Variants in PCSK5 observed in about 807,000 individuals in gnomAD.
PCSK5 encodes the protein proprotein convertase subtilisin/kexin type 5.
In PCSK5, 129 loss-of-function variants were observed where a neutral mutation model predicts 233.2. The observed-to-expected ratio is 0.55, with a 90% CI of 0.48 to 0.64. PCSK5 has a LOEUF of 0.64. PCSK5 is among the 30% of genes least tolerant of loss of function. The probability of loss-of-function intolerance (pLI) is 0.00; values close to 1 mark genes in which losing one functional copy is unlikely to be tolerated. For missense variants in PCSK5, 2,076 were observed against 2,430.1 expected (o/e 0.85, Z 3.06); for synonymous variants, 825 against 879.2 (o/e 0.94, Z 1.09).
rs74366873 is a variant in PCSK5 at position 76,326,320 on chromosome 9, A to G, written c.4340-1689A>G. 8.6e-3 allele frequency among the ~76,000 whole-genome samples: 1,316 copies of G among 152,196 alleles called. 15 individuals carry two copies. The highest frequency in any genetic ancestry group is 0.03 in the African/African-American group (1,250 of 41,534). On this transcript the variant is annotated intron_variant, in intron 32 of 37. Transcript: ENST00000674117. ...GGGATCACTTTAGCCTGGGAGGTCA[A>G]TGTTTCAGTGAGCCATGATCACACC... is the stretch of plus-strand genomic sequence containing the variant.
At chr9:76,327,921 T>C in intron 32 of PCSK5, 88 bp from the exon 33 acceptor site, 1 of 811,574 alleles carries the variant, frequency 1.2e-6, no homozygotes. Context: ...GTGAAAGGAA[T>C]GTGAAGACCC....
Position 75,891,076 on chromosome 9 carries a change from G to GGCCCGGGGCTGCGAGCTGCGGCA in PCSK5, c.-94_-93insGAGCTGCGGCAGCCCGGGGCTGC. Reference sequence around the variant, plus strand: ...ATCGCCCGGGGCTGCGAGCTGCGGCGGCCCGGGGCTGCTCGCCGGGCGGCG... The same window carrying GGCCCGGGGCTGCGAGCTGCGGCA: ...ATCGCCCGGGGCTGCGAGCTGCGGCGGCCCGGGGCTGCGAGCTGCGGCAGCCCGGGGCTGCTCGCCGGGCGGCG... On this transcript the variant is annotated 5_prime_UTR_variant, in exon 1 of 38. Coordinates refer to ENST00000674117, the MANE Select transcript of PCSK5 (RefSeq NM_001372043.1). The GGCCCGGGGCTGCGAGCTGCGGCA allele has an allele frequency of 2.8e-6, 3 of 1,069,494 alleles. No homozygotes were observed. The highest frequency in any genetic ancestry group is 3.7e-6 in the Non-Finnish European group (3 of 811,700). 66.3% of individuals were successfully genotyped at this position (1,069,494 alleles called of 1,614,324 possible).
chr9:76,253,699 C>A (rs554015023), intron 24 of PCSK5, among the ~76,000 whole-genome samples: 5 of 152,188 alleles, frequency 3.3e-5, no homozygotes, highest in African/African-American at 4.8e-5. Flanking sequence ...GCTTAATGTA[C>A]GTGATGTGTT....
At chr9:75,993,485 C>T (rs538814051) in intron 3 of PCSK5, among the ~76,000 whole-genome samples, 2 of 152,140 alleles carry the variant, frequency 1.3e-5, no homozygotes, top group Non-Finnish European at 2.9e-5. Context: ...AGATCACATA[C>T]CATCAATGGG....
At chr9:76,349,691 C>T (rs1017072949) in intron 35 of PCSK5, among the ~76,000 whole-genome samples, 4 of 152,172 alleles carry the variant, frequency 2.6e-5, no homozygotes, top group African/African-American at 9.7e-5. Flanking sequence ...ATACCAAGTT[C>T]CAACTTACAA....
chr9:76,035,434 C>T (rs1406305868), intron 5 of PCSK5, among the ~76,000 whole-genome samples: 1 of 152,114 alleles, frequency 6.6e-6, no homozygotes, highest in Non-Finnish European at 1.5e-5. Flanking sequence ...GCCTTCAGAA[C>T]TCCTTGTTTT....
chr9:75,903,281 T>C (rs1587336254), intron 1 of PCSK5, among the ~76,000 whole-genome samples: 1 of 152,258 alleles, frequency 6.6e-6, no homozygotes, highest in Non-Finnish European at 1.5e-5. Context: ...TAGATTGCTC[T>C]ATATAATAGA....
rs1156496165 is a variant in PCSK5 at position 76,095,274 on chromosome 9, C to CT, written c.895-615dup. Among the ~76,000 whole-genome samples the CT allele has an allele frequency of 4.5e-4, 69 of 152,350 alleles. 1 individual carries two copies. In the South Asian group the frequency reaches 0.014, roughly 30 times the overall value. On this transcript the variant is annotated intron_variant, in intron 7 of 37. Coordinates refer to ENST00000674117, the MANE Select transcript of PCSK5 (RefSeq NM_001372043.1). The stretch of plus-strand genomic sequence containing the variant: ...ACACAGTTAGTACTTGCTTCTGATG[C>CT]TCACCAACAGTGTAATTCAGCATAG...
chr9:75,956,898 T>C (rs1375942263), intron 2 of PCSK5, among the ~76,000 whole-genome samples: 5 of 152,116 alleles, frequency 3.3e-5, no homozygotes, highest in Non-Finnish European at 7.4e-5. Context: ...AAGTCACAAA[T>C]TGTGAAAGAC....
chr9:76,060,756 A>G (rs1829999108), intron 5 of PCSK5, among the ~76,000 whole-genome samples: 1 of 152,194 alleles, frequency 6.6e-6, no homozygotes, highest in South Asian at 2.1e-4. Context: ...TAGACTTTGT[A>G]TTGTTAGCTA....
chr9:76,194,053 T>C (rs1389575251), intron 20 of PCSK5: 4 of 152,394 alleles, frequency 2.6e-5, no homozygotes, highest in South Asian at 4.1e-4. Flanking sequence ...TTTTCCATTG[T>C]AGATTGGGTT....
chr9:76,131,620 C>T (rs1822763842), intron 9 of PCSK5, among the ~76,000 whole-genome samples: 1 of 152,074 alleles, frequency 6.6e-6, no homozygotes, highest in Non-Finnish European at 1.5e-5. Context: ...AGGAGGCTTC[C>T]TGAATCTGCC....
chr9:76,281,268 T>G (rs1206907438), intron 24 of PCSK5, among the ~76,000 whole-genome samples: 2 of 152,248 alleles, frequency 1.3e-5, no homozygotes, highest in Non-Finnish European at 2.9e-5. Context: ...AGTCAACGCC[T>G]GGCTTCAAAG....
At chr9:76,314,761 C>T (rs1419443555) in intron 30 of PCSK5, among the ~76,000 whole-genome samples, 2 of 152,076 alleles carry the variant, frequency 1.3e-5, no homozygotes, top group South Asian at 2.1e-4. Context: ...CTCAGCCTCC[C>T]GAGTAGCTGG....
intron 17 of PCSK5, among the ~76,000 whole-genome samples, chr9:76,185,495 A>G (rs1353703380): frequency 2.6e-5 from 4 of 152,192 alleles, no homozygotes; most frequent in African/African-American, 9.7e-5. Context: ...GAGGTAAACT[A>G]GGCAGGGTCC....
chr9:76,047,100 CTTT>C (rs61399433), intron 5 of PCSK5, among the ~76,000 whole-genome samples: 2 of 143,324 alleles, frequency 1.4e-5, no homozygotes, highest in Non-Finnish European at 1.5e-5. Context: ...TCAAGGAAAT[CTTT>C]TTTTTTTTTT....
chr9:76,274,936 A>G (rs7037592), intron 24 of PCSK5, among the ~76,000 whole-genome samples: 5,615 of 152,044 alleles, frequency 0.037, 339 homozygotes, highest in African/African-American at 0.13. Flanking sequence ...GAGGGGAGGC[A>G]CCAGGCTCTT....
intron 30 of PCSK5, among the ~76,000 whole-genome samples, chr9:76,313,914 C>T (rs998149466): frequency 2.0e-5 from 3 of 152,022 alleles, no homozygotes; most frequent in Non-Finnish European, 2.9e-5. Context: ...CCCTATCAAC[C>T]GAGCTCCACC....
chr9:76,170,803 G>C (rs962437638), intron 13 of PCSK5, among the ~76,000 whole-genome samples: 1 of 152,206 alleles, frequency 6.6e-6, no homozygotes, highest in Non-Finnish European at 1.5e-5. Context: ...CAGGGCAAAG[G>C]AGGCACACAG....
Sources: gnomAD v4.1 joint callset for allele counts (sites outside exome capture counted in the v4.1 genomes callset) on GRCh38, gnomAD v4.1.1 for gene constraint, MANE v1.5 for transcripts, NCBI Gene and HGNC (gene_info 2026-07-23, HGNC 2026-07-21) for gene names.